Variants in TENT2 observed in about 807,000 individuals in gnomAD.
The protein encoded by TENT2 is terminal nucleotidyltransferase 2.
In TENT2, 44 loss-of-function variants were observed where a neutral mutation model predicts 72.2. That is an observed-to-expected ratio of 0.61 (90% CI 0.48 to 0.78). The LOEUF is 0.78. Among genes scored for constraint, TENT2 ranks in the 30% least tolerant of loss-of-function variants. The probability of loss-of-function intolerance (pLI) is 0.00; values close to 1 mark genes in which losing one functional copy is unlikely to be tolerated. For missense variants in TENT2, 541 were observed against 569.6 expected, an observed-to-expected ratio of 0.95 and a Z score of 0.51; for synonymous variants, 212 against 192.5, an observed-to-expected ratio of 1.10 and a Z score of -0.84.
intron 1 of TENT2, among the ~76,000 whole-genome samples, chr5:79,619,175 A>G (rs1762802099): frequency 6.6e-6 from 1 of 152,208 alleles, no homozygotes; most frequent in East Asian, 1.9e-4. Context: ...TGTTAAGACA[A>G]TATAAAATCC....
At chr5:79,629,473 T>C (rs1017572010) in intron 4 of TENT2, among the ~76,000 whole-genome samples, 1 of 152,162 alleles carries the variant, frequency 6.6e-6, no homozygotes, top group African/African-American at 2.4e-5. Context: ...ACTGTTTTGC[T>C]AAACATACAT....
intron 4 of TENT2, 64 bp from the exon 5 acceptor site, chr5:79,640,787 C>T (rs1783861549): frequency 4.4e-6 from 4 of 916,740 alleles, no homozygotes; most frequent in Non-Finnish European, 6.9e-6. Flanking sequence ...TTATGCTTCT[C>T]CATATAGCAA....
chr5:79,675,404 G>A (rs1485894645), intron 12 of TENT2, among the ~76,000 whole-genome samples: 1 of 152,082 alleles, frequency 6.6e-6, no homozygotes, highest in Non-Finnish European at 1.5e-5. Context: ...TCAGGGACAT[G>A]TGCAGGTAAT....
intron 11 of TENT2, among the ~76,000 whole-genome samples, chr5:79,665,493 A>T (rs1003661070): frequency 6.6e-6 from 1 of 152,212 alleles, no homozygotes; most frequent in African/African-American, 2.4e-5. Flanking sequence ...TATTATAGAC[A>T]GTTCTATGAG....
rs1763239266 is a variant in TENT2, at chr5:79,619,754, A to G, written c.106A>G (p.Ile36Val). Residue 36 changes from isoleucine to valine, a missense_variant, in exon 2 of 15, where the codon ATA becomes GTA. Coordinates refer to ENST00000453514, the MANE Select transcript of TENT2 (RefSeq NM_001114394.3). ...TACTGTTTATTCACACCAGCAGCTT[A>G]TAGATGCACAATTCAACTTTCAGAA... ...SPTVYSHQQL[I>V]DAQFNFQNAD... 4 of 1,613,508 alleles carry G rather than the reference A, an allele frequency of 2.5e-6. No homozygotes were observed. The highest frequency in any genetic ancestry group is 3.4e-6 in the Non-Finnish European group (4 of 1,179,726).
chr5:79,623,215 G>A, intron 3 of TENT2, 37 bp from the exon 4 acceptor site: 1 of 1,425,544 alleles, frequency 7.0e-7, no homozygotes, highest in Non-Finnish European at 9.6e-7. Context: ...TCAGAAAGTT[G>A]TATCTTTAAT....
chr5:79,627,919 A>G (rs1180634391), intron 4 of TENT2, among the ~76,000 whole-genome samples: 1 of 152,218 alleles, frequency 6.6e-6, no homozygotes, highest in Admixed American at 6.5e-5. Flanking sequence ...TCTTGTAGGC[A>G]TTCTACATAT....
chr5:79,621,743 G>A (rs901702628), intron 3 of TENT2, among the ~76,000 whole-genome samples: 2 of 144,214 alleles, frequency 1.4e-5, no homozygotes, highest in African/African-American at 5.2e-5. Context: ...GGGCAACAGA[G>A]CGAGACTCTA....
intron 12 of TENT2, among the ~76,000 whole-genome samples, chr5:79,672,644 C>A (rs1266999306): frequency 1.3e-5 from 2 of 152,194 alleles, no homozygotes; most frequent in Admixed American, 6.5e-5. Context: ...GGATCTCATT[C>A]TTTTGTATGG....
At chr5:79,676,127 CTAG>C (rs1481118272) in intron 12 of TENT2, among the ~76,000 whole-genome samples, 1 of 148,684 alleles carries the variant, frequency 6.7e-6, no homozygotes, top group Non-Finnish European at 1.5e-5. Flanking sequence ...CTTAATTTTA[CTAG>C]TATATATACA....
chr5:79,619,762 A>G lies in TENT2; in HGVS notation c.114A>G (p.Ala38=), dbSNP rs778637505. The G allele has an allele frequency of 6.8e-6, 11 of 1,613,290 alleles. No homozygotes were observed. Among genetic ancestry groups the G allele is most frequent in the Non-Finnish European group, 9.3e-6 (11 of 1,179,660 alleles). ...TVYSHQQLID[A]QFNFQNADLS... is the part of the protein sequence containing the mutation. Reference sequence around the variant, plus strand: ...ATTCACACCAGCAGCTTATAGATGCACAATTCAACTTTCAGAATGCAGAGT... The same window carrying G: ...ATTCACACCAGCAGCTTATAGATGCGCAATTCAACTTTCAGAATGCAGAGT... The change falls in exon 2 of 15, where the codon GCA becomes GCG. Residue 38 remains alanine (A), a synonymous_variant. Coordinates refer to ENST00000453514, the MANE Select transcript of TENT2 (RefSeq NM_001114394.3).
intron 10 of TENT2, chr5:79,656,745 A>G (rs1484943679): frequency 6.3e-6 from 3 of 475,784 alleles, no homozygotes; most frequent in Non-Finnish European, 7.5e-6. Flanking sequence ...ACATAGGGAT[A>G]TATGTAGTTT....
Position 79,685,316 on chromosome 5 carries a change from C to T in TENT2, c.*43C>T. ...ATAAATTCTTCCAAGAAATAAAGAA[C>T]AATAGTTTCATCATAATACATTATG... On this transcript the variant is annotated 3_prime_UTR_variant, in exon 15 of 15. Transcript: ENST00000453514. 2 of 1,386,894 alleles carry T rather than the reference C, an allele frequency of 1.4e-6. No homozygotes were observed. Among genetic ancestry groups the T allele is most frequent in the South Asian group, 2.5e-5 (2 of 78,512 alleles). The allele number at this position is 1,386,894 out of a possible 1,614,324, so 85.9% of individuals were successfully genotyped here. A position where few individuals can be genotyped will look rare whatever the true frequency, so the allele number is the denominator to read the frequency against.
chr5:79,681,800 G>C (rs542465684), intron 13 of TENT2, 182 bp from the exon 14 acceptor site: 1 of 518,332 alleles, frequency 1.9e-6, no homozygotes, highest in East Asian at 3.3e-5. Context: ...TTATTAGGCA[G>C]TTCATAGTAT....
At chr5:79,681,869 T>C in intron 13 of TENT2, 113 bp from the exon 14 acceptor site, 1 of 780,088 alleles carries the variant, frequency 1.3e-6, no homozygotes, top group Non-Finnish European at 2.0e-6. Context: ...CATCTGAAAT[T>C]GCAATTTTTG....
intron 12 of TENT2, among the ~76,000 whole-genome samples, chr5:79,676,163 T>C (rs992794193): frequency 4.7e-5 from 7 of 147,446 alleles, no homozygotes; most frequent in African/African-American, 1.5e-4. Context: ...TATATATGTA[T>C]ACACACACAC....
Position 79,644,886 on chromosome 5 carries a change from T to C in TENT2, c.752-237T>C, listed in dbSNP as rs922439009. ...TACAGTGGTCTAATGAACTTCTCTA[T>C]AGATACTATATTAGATCACATTCCT... On this transcript the variant is annotated intron_variant, in intron 7 of 14. Coordinates refer to ENST00000453514, the MANE Select transcript of TENT2 (RefSeq NM_001114394.3). 6 of 373,638 alleles carry C rather than the reference T, an allele frequency of 1.6e-5. No homozygotes were observed. In the Admixed American group the frequency reaches 2.7e-4, roughly 17 times the overall value. 23.1% of individuals were successfully genotyped at this position (373,638 alleles called of 1,614,324 possible). A position where few individuals can be genotyped will look rare whatever the true frequency, so the allele number is the denominator to read the frequency against.
intron 1 of TENT2, among the ~76,000 whole-genome samples, chr5:79,616,457 A>T (rs1371996863): frequency 6.6e-6 from 1 of 151,414 alleles, no homozygotes; most frequent in African/African-American, 2.4e-5. Flanking sequence ...GGCCTCCCAA[A>T]GTGCTGGGAT....
chr5:79,635,363 A>C (rs186616753), intron 4 of TENT2, among the ~76,000 whole-genome samples: 1 of 152,356 alleles, frequency 6.6e-6, no homozygotes, highest in Admixed American at 6.5e-5. Flanking sequence ...AAACTCATTA[A>C]ATCTCCATTA....
Sources: gnomAD v4.1 joint callset for allele counts (sites outside exome capture counted in the v4.1 genomes callset) on GRCh38, gnomAD v4.1.1 for gene constraint, MANE v1.5 for transcripts, NCBI Gene and HGNC (gene_info 2026-07-23, HGNC 2026-07-21) for gene names.